The following RANBP2 variants were observed in gnomAD, a reference collection of about 807,000 sequenced individuals.
RANBP2 encodes the protein RAN binding protein 2.
RANBP2 carries 57 observed loss-of-function variants against 303.6 expected under a neutral mutation model. That is an observed-to-expected ratio of 0.19 (90% CI 0.15 to 0.23). The LOEUF (loss-of-function observed/expected upper bound fraction) is 0.23. Among genes scored for constraint, RANBP2 ranks in the 10% least tolerant of loss-of-function variants. The pLI is 1.00. For synonymous variants in RANBP2, 1,167 were observed against 1,301.5 expected (o/e 0.90, Z 2.23); for missense variants, 3,138 against 3,780.8 (o/e 0.83, Z 4.46).
the RANBP2 span, among the ~76,000 whole-genome samples, chr2:108,795,063 A>G: frequency 6.6e-6 from 1 of 151,672 alleles, no homozygotes; most frequent in East Asian, 1.9e-4. Flanking sequence ...ACTTATATAT[A>G]AAAAGTCTTC....
the RANBP2 span, chr2:108,910,866 G>T: frequency 3.1e-6 from 5 of 1,614,082 alleles, no homozygotes; most frequent in Admixed American, 1.7e-5. Flanking sequence ...GAGAGAGGAG[G>T]GAGTGAGCAG....
chr2:108,722,567 T>C (rs1429849217), intron 1 of RANBP2, among the ~76,000 whole-genome samples: 8 of 150,980 alleles, frequency 5.3e-5, no homozygotes, highest in African/African-American at 1.7e-4. Flanking sequence ...CATATCTTTC[T>C]AGTCTTTCAT....
the RANBP2 span, among the ~76,000 whole-genome samples, chr2:109,437,628 G>A: frequency 6.6e-6 from 1 of 152,188 alleles, no homozygotes; most frequent in African/African-American, 2.4e-5. Flanking sequence ...GGGCTGGGGT[G>A]AGACTCGGGC....
the RANBP2 span, among the ~76,000 whole-genome samples, chr2:109,101,477 G>A: frequency 2.0e-5 from 3 of 151,936 alleles, no homozygotes; most frequent in African/African-American, 7.3e-5. Flanking sequence ...TAGTTGAGCC[G>A]AGATCACCCC....
chr2:108,825,315 T>C, the RANBP2 span, among the ~76,000 whole-genome samples: 1 of 152,152 alleles, frequency 6.6e-6, no homozygotes. Flanking sequence ...TATTGAGATA[T>C]AATTCACATA....
chr2:109,726,130 C>T, the RANBP2 span, among the ~76,000 whole-genome samples: 3 of 146,832 alleles, frequency 2.0e-5, no homozygotes, highest in African/African-American at 7.5e-5. Flanking sequence ...CGGAGGTGGC[C>T]GGGTGCAGTG....
the RANBP2 span, among the ~76,000 whole-genome samples, chr2:109,522,296 T>A: frequency 7.6e-6 from 1 of 132,156 alleles, no homozygotes; most frequent in Non-Finnish European, 1.5e-5. Flanking sequence ...AAAAAAACCT[T>A]TTTTTTTTTT....
chr2:108,754,241 T>C (rs1450184606), intron 15 of RANBP2, among the ~76,000 whole-genome samples: 7 of 151,642 alleles, frequency 4.6e-5, no homozygotes, highest in Non-Finnish European at 1.0e-4. Flanking sequence ...TTGATTTTGT[T>C]ATCTTAGCAG....
At chr2:109,490,960 C>G in the RANBP2 span, 1 of 1,428,292 alleles carries the variant, frequency 7.0e-7, no homozygotes, top group African/African-American at 1.4e-5. Context: ...CTTGTCTGCT[C>G]TGTGGCATGC....
At chr2:109,382,634 A>G in the RANBP2 span, among the ~76,000 whole-genome samples, 1 of 152,264 alleles carries the variant, frequency 6.6e-6, no homozygotes, top group Non-Finnish European at 1.5e-5. Context: ...GCCCTGTCAC[A>G]TCTTCAAATC....
chr2:109,452,789 C>G, the RANBP2 span, among the ~76,000 whole-genome samples: 1 of 150,876 alleles, frequency 6.6e-6, no homozygotes, highest in African/African-American at 2.4e-5. Flanking sequence ...AGGCTGGTCC[C>G]TGGGAGGCTG....
chr2:109,332,382 C>G, the RANBP2 span, among the ~76,000 whole-genome samples: 2 of 152,146 alleles, frequency 1.3e-5, no homozygotes, highest in African/African-American at 4.8e-5. Flanking sequence ...GCCTGTAGCT[C>G]AGCTCTGACA....
the RANBP2 span, among the ~76,000 whole-genome samples, chr2:109,516,373 G>T: frequency 6.6e-6 from 1 of 152,230 alleles, no homozygotes; most frequent in Non-Finnish European, 1.5e-5. Context: ...CATGTTCTGA[G>T]GCTTAAGGGT....
downstream of RANBP2, chr2:108,786,749 C>T (rs1426171662): frequency 1.2e-5 from 16 of 1,368,338 alleles, no homozygotes; most frequent in Non-Finnish European, 1.6e-5. Context: ...CACGTCGTGA[C>T]GCACTGCGGC....
the RANBP2 span, among the ~76,000 whole-genome samples, chr2:108,843,541 C>T: frequency 6.6e-6 from 1 of 152,140 alleles, no homozygotes; most frequent in Non-Finnish European, 1.5e-5. Context: ...GATATTTTCA[C>T]TGGGTATCAG....
chr2:108,889,869 T>C, the RANBP2 span, among the ~76,000 whole-genome samples: 1 of 152,192 alleles, frequency 6.6e-6, no homozygotes, highest in Non-Finnish European at 1.5e-5. Flanking sequence ...TTATTGATTG[T>C]TGTTGTGGTT....
At chr2:109,216,268 C>G in the RANBP2 span, among the ~76,000 whole-genome samples, 1 of 152,348 alleles carries the variant, frequency 6.6e-6, no homozygotes, top group Admixed American at 6.5e-5. Context: ...CTGGCCAGCT[C>G]TAGCCCTGAC....
At chr2:108,916,696 T>A in the RANBP2 span, among the ~76,000 whole-genome samples, 6 of 152,232 alleles carry the variant, frequency 3.9e-5, no homozygotes, top group East Asian at 1.2e-3. Flanking sequence ...TGAGCACGTG[T>A]GCGCAGCCGA....
chr2:109,104,382 G>A, the RANBP2 span, among the ~76,000 whole-genome samples: 1 of 152,090 alleles, frequency 6.6e-6, no homozygotes, highest in Non-Finnish European at 1.5e-5. Context: ...CCTTCCCATC[G>A]TGGAATGAAC....
Sources: allele counts gnomAD v4.1 joint callset (sites outside exome capture counted in the v4.1 genomes callset), GRCh38; gene constraint gnomAD v4.1.1; transcripts MANE v1.5; gene names NCBI Gene and HGNC (gene_info 2026-07-23, HGNC 2026-07-21).